SH3GL3: variants seen among roughly 807,000 people sequenced by gnomAD.
SH3GL3 encodes the protein SH3 domain containing GRB2 like 3, endophilin A3.
A neutral mutation model predicts 47.7 loss-of-function variants in SH3GL3; 33 were observed. That is an observed-to-expected ratio of 0.69 (90% CI 0.52 to 0.92). The LOEUF (loss-of-function observed/expected upper bound fraction) is 0.92, where lower values mean the gene tolerates loss of function less well. Ranked by LOEUF, SH3GL3 falls within the 40% of genes least tolerant of loss-of-function variation. The pLI, the probability that SH3GL3 is intolerant of heterozygous loss-of-function variation, is 0.00. For missense variants in SH3GL3, 363 were observed against 417.8 expected (o/e 0.87, Z 1.14); for synonymous variants, 155 against 148.8 (o/e 1.04, Z -0.30).
At chr15:83,633,595 C>T in the SH3GL3 span, among the ~76,000 whole-genome samples, 2 of 152,184 alleles carry the variant, frequency 1.3e-5, no homozygotes, top group Non-Finnish European at 2.9e-5. Context: ...ACTTTTATAA[C>T]CTAGTTCTGA....
intron 1 of SH3GL3, among the ~76,000 whole-genome samples, chr15:83,535,098 A>T (rs1159196193): frequency 7.1e-6 from 1 of 140,674 alleles, no homozygotes; most frequent in Non-Finnish European, 1.6e-5. Flanking sequence ...ATCTATGTAA[A>T]AAAAAGGCAA....
intron 6 of SH3GL3, among the ~76,000 whole-genome samples, chr15:83,585,859 G>A (rs942913479): frequency 2.6e-5 from 4 of 152,178 alleles, no homozygotes; most frequent in Non-Finnish European, 5.9e-5. Flanking sequence ...AATAGTATAA[G>A]TGAGTAAGAA....
intron 2 of SH3GL3, among the ~76,000 whole-genome samples, chr15:83,564,192 G>A (rs1222525161): frequency 6.6e-6 from 1 of 152,058 alleles, no homozygotes; most frequent in East Asian, 1.9e-4. Flanking sequence ...TTTTAATCAT[G>A]TATATAGTAT....
chr15:83,526,935 C>T (rs1385392882), intron 1 of SH3GL3, among the ~76,000 whole-genome samples: 1 of 152,122 alleles, frequency 6.6e-6, no homozygotes, highest in East Asian at 1.9e-4. Context: ...TCTTTCACCT[C>T]CTTGGTTAAA....
intron 8 of SH3GL3, among the ~76,000 whole-genome samples, chr15:83,605,442 T>C (rs2060490292): frequency 6.6e-6 from 1 of 152,070 alleles, no homozygotes; most frequent in Non-Finnish European, 1.5e-5. Context: ...ATAATGTTTA[T>C]AAAGTGAAGG....
At chr15:83,593,422 T>C (rs1221788889) in intron 8 of SH3GL3, among the ~76,000 whole-genome samples, 1 of 152,258 alleles carries the variant, frequency 6.6e-6, no homozygotes, top group Non-Finnish European at 1.5e-5. Flanking sequence ...TTTTAAATTT[T>C]TTCATCAATC....
At chr15:83,618,750 G>T (rs2151856150), downstream of SH3GL3, 1 of 167,288 alleles carries the variant, frequency 6.0e-6, no homozygotes, top group Non-Finnish European at 1.3e-5. Flanking sequence ...AAAAGGCCTT[G>T]GTTATTTTTA....
intron 8 of SH3GL3, among the ~76,000 whole-genome samples, chr15:83,595,780 A>T (rs1277500130): frequency 6.6e-6 from 1 of 152,210 alleles, no homozygotes; most frequent in African/African-American, 2.4e-5. Context: ...TTTATTGCAT[A>T]AAGTTGTTCA....
chr15:83,462,599 G>C (rs1030950760), intron 1 of SH3GL3, among the ~76,000 whole-genome samples: 11 of 152,164 alleles, frequency 7.2e-5, no homozygotes, highest in African/African-American at 2.7e-4. Flanking sequence ...CTTAGGCTTG[G>C]CAGAACTATT....
At chr15:83,579,208 G>A (rs1371323381) in intron 6 of SH3GL3, among the ~76,000 whole-genome samples, 1 of 152,242 alleles carries the variant, frequency 6.6e-6, no homozygotes, top group African/African-American at 2.4e-5. Flanking sequence ...CCCAGCAGAA[G>A]TAAGAGCTGG....
chr15:83,559,357 T>C (rs771336524), intron 2 of SH3GL3, 36 bp downstream of exon 2: 1 of 1,096,660 alleles, frequency 9.1e-7, no homozygotes, highest in Non-Finnish European at 1.4e-6. Context: ...GATTAGAAAC[T>C]GACTTTCATT....
intron 8 of SH3GL3, among the ~76,000 whole-genome samples, chr15:83,607,705 A>T (rs972891023): frequency 6.6e-6 from 1 of 152,130 alleles, no homozygotes; most frequent in Admixed American, 6.5e-5. Context: ...GTTGGCAACT[A>T]ATCCACATTG....
In SH3GL3 at chr15:83,618,348, C is replaced by G. The variant is rs550105144; in HGVS notation, c.*61C>G. 1.6e-4 allele frequency: 171 copies of G among 1,051,390 alleles called. 1 individual carries two copies. The South Asian group carries it at 2.1e-3, about 13-fold the overall frequency. The allele number at this position is 1,051,390 out of a possible 1,614,324, so 65.1% of individuals were successfully genotyped here. On this transcript the variant is annotated 3_prime_UTR_variant, in exon 9 of 9. Coordinates refer to ENST00000427482, the MANE Select transcript of SH3GL3 (RefSeq NM_003027.5). Reference sequence around the variant, plus strand: ...TGAAATGAATTCACACCAGTGTGCTCTCAGTGCGGTGTTCTGTGACATCCT... The same window carrying G: ...TGAAATGAATTCACACCAGTGTGCTGTCAGTGCGGTGTTCTGTGACATCCT...
At chr15:83,621,792 C>T (rs2060916397), downstream of SH3GL3, among the ~76,000 whole-genome samples, 1 of 152,134 alleles carries the variant, frequency 6.6e-6, no homozygotes, top group Non-Finnish European at 1.5e-5. Flanking sequence ...GATTGCTGTA[C>T]CTCACTGCAC....
the SH3GL3 span, among the ~76,000 whole-genome samples, chr15:83,630,620 G>C: frequency 2.0e-5 from 3 of 152,028 alleles, no homozygotes; most frequent in African/African-American, 7.2e-5. Context: ...GAGCAAAGCA[G>C]GGAGAAACCC....
intron 8 of SH3GL3, among the ~76,000 whole-genome samples, chr15:83,602,445 C>A (rs1331753655): frequency 6.6e-6 from 1 of 152,152 alleles, no homozygotes; most frequent in African/African-American, 2.4e-5. Flanking sequence ...ATAGATGACA[C>A]CTTCTAGCTG....
At chr15:83,602,643 A>C (rs1477804874) in intron 8 of SH3GL3, among the ~76,000 whole-genome samples, 1 of 152,140 alleles carries the variant, frequency 6.6e-6, no homozygotes, top group Non-Finnish European at 1.5e-5. Flanking sequence ...GGGGGAACAC[A>C]CACATTCAGG....
rs746705173 is a variant in SH3GL3, at chr15:83,565,207, G to C, written c.187+1G>C. ...ACTGAATATCTTCAGCCAAATCCAGGTAAAGTTGAAATATTCTCTTGTTCA... is the reference window on the plus strand; with the variant it reads ...ACTGAATATCTTCAGCCAAATCCAGCTAAAGTTGAAATATTCTCTTGTTCA... On this transcript the variant is annotated splice_donor_variant, in intron 3 of 8. Coordinates refer to ENST00000427482, the MANE Select transcript of SH3GL3 (RefSeq NM_003027.5). LOFTEE classifies it high-confidence loss of function. 3 of 1,539,874 alleles carry C rather than the reference G, an allele frequency of 1.9e-6. No individual in the cohort carries two copies. The South Asian group carries it at 3.4e-5, about 17-fold the overall frequency.
At chr15:83,559,498 T>C (rs1276193468) in intron 2 of SH3GL3, among the ~76,000 whole-genome samples, 177 bp downstream of exon 2, 1 of 152,198 alleles carries the variant, frequency 6.6e-6, no homozygotes, top group Admixed American at 6.5e-5. Context: ...ATCCTCCCCC[T>C]GTAGCCACAT....
Sources: allele counts gnomAD v4.1 joint callset (sites outside exome capture counted in the v4.1 genomes callset), GRCh38; gene constraint gnomAD v4.1.1; transcripts MANE v1.5; gene names NCBI Gene and HGNC (gene_info 2026-07-23, HGNC 2026-07-21).